The following ANGPT4 variants were observed in gnomAD, a reference collection of about 807,000 sequenced individuals.
ANGPT4 encodes the protein angiopoietin 4.
A neutral mutation model predicts 53.0 loss-of-function variants in ANGPT4; 50 were observed. The ratio of observed to expected loss-of-function variants is 0.94; its 90% CI spans 0.75 to 1.20. ANGPT4 has a LOEUF of 1.20. Among genes scored for constraint, ANGPT4 ranks in the 50% most tolerant of loss-of-function variants. ANGPT4 has a pLI of 0.00. For synonymous variants in ANGPT4, 251 were observed against 259.7 expected (o/e 0.97, Z 0.32); for missense variants, 648 against 637.1 (o/e 1.02, Z -0.18).
chr20:879,532 G>A (rs1981307662), intron 6 of ANGPT4, among the ~76,000 whole-genome samples: 2 of 151,614 alleles, frequency 1.3e-5, no homozygotes, highest in Admixed American at 6.7e-5. Context: ...CAAAAATAAA[G>A]CTAAACTTTT....
At chr20:876,453 A>G (rs1418061707) in intron 7 of ANGPT4, among the ~76,000 whole-genome samples, 2 of 152,236 alleles carry the variant, frequency 1.3e-5, no homozygotes, top group Non-Finnish European at 2.9e-5. Flanking sequence ...CCGTGCTCCC[A>G]GAAAGCAGTC....
chr20:885,062 C>A lies in ANGPT4; in HGVS notation c.835+16G>T. 1 of 1,613,398 alleles carries A rather than the reference C, an allele frequency of 6.2e-7. No homozygotes were observed. Among genetic ancestry groups the A allele is most frequent in the South Asian group, 1.1e-5 (1 of 90,884 alleles). ...GCCCGTCTTTAGCCACACTGGGGCGCACACCGCTCACTCACCCGGGGCCGA... is the reference window on the plus strand; with the variant it reads ...GCCCGTCTTTAGCCACACTGGGGCGAACACCGCTCACTCACCCGGGGCCGA... On this transcript the variant is annotated intron_variant, in intron 4 of 8. Transcript: ENST00000381922.
chr20:901,925 C>G (rs1306912364), intron 1 of ANGPT4, among the ~76,000 whole-genome samples: 1 of 152,118 alleles, frequency 6.6e-6, no homozygotes, highest in Non-Finnish European at 1.5e-5. Flanking sequence ...ACAAAACAAA[C>G]AAACAAGCAA....
rs901416942 is a variant in ANGPT4, at chr20:914,540, C to T, written c.309+1366G>A. ...TGCATGGAGAACAGGAGGTGGGGGC[C>T]GAGTGTTAGCAGGGAGCCAGGGGGG... On this transcript the variant is annotated intron_variant, in intron 1 of 8. Transcript: ENST00000381922. This position sits in a 1 kb window ranked among gnomAD's most constrained non-coding sequence, Gnocchi z 5.0. 1.3e-5 allele frequency among the ~76,000 whole-genome samples: 2 copies of T among 151,882 alleles called. No homozygotes were observed. The highest frequency in any genetic ancestry group is 1.5e-5 in the Non-Finnish European group (1 of 67,942).
intron 7 of ANGPT4, among the ~76,000 whole-genome samples, chr20:875,064 T>C (rs1981112126): frequency 6.6e-6 from 1 of 152,150 alleles, no homozygotes; most frequent in African/African-American, 2.4e-5. Flanking sequence ...GCATCTACTA[T>C]GTGTTCAAAG....
chr20:888,541 C>A lies in ANGPT4; in HGVS notation c.466-102G>T, dbSNP rs567980437. The A allele has an allele frequency of 1.6e-4, 246 of 1,496,932 alleles. No homozygotes were observed. In the African/African-American group the frequency reaches 3.4e-3, roughly 21 times the overall value. 92.7% of individuals were successfully genotyped at this position (1,496,932 alleles called of 1,614,324 possible). ...AGGCCCTGCCACTCCAGAAACTTACCCATTTCCACTCTCCCAGTCGTAGTT... is the reference window on the plus strand; with the variant it reads ...AGGCCCTGCCACTCCAGAAACTTACACATTTCCACTCTCCCAGTCGTAGTT... On this transcript the variant is annotated intron_variant, in intron 2 of 8. Coordinates refer to ENST00000381922, the MANE Select transcript of ANGPT4 (RefSeq NM_015985.4).
In ANGPT4 at chr20:908,968, T is replaced by C. The variant is rs890496732; in HGVS notation, c.309+6938A>G. Among the ~76,000 whole-genome samples the C allele has an allele frequency of 6.6e-6, 1 of 152,090 alleles. No homozygotes were observed. The highest frequency in any genetic ancestry group is 1.5e-5 in the Non-Finnish European group (1 of 68,010). On this transcript the variant is annotated intron_variant, in intron 1 of 8. Coordinates refer to ENST00000381922, the MANE Select transcript of ANGPT4 (RefSeq NM_015985.4). This position sits in a 1 kb window ranked among gnomAD's most constrained non-coding sequence, Gnocchi z 4.9. ...CTCCTGCCACCGACCCTTGGGTGAA[T>C]GTGATTGAGTCACTCCCTTGCCCAG...
rs533906802 is a variant in ANGPT4 at position 908,065 on chromosome 20, T to A, written c.309+7841A>T. Among the ~76,000 whole-genome samples the A allele has an allele frequency of 6.6e-6, 1 of 152,254 alleles. No individual in the cohort carries two copies. The highest frequency in any genetic ancestry group is 2.4e-5 in the African/African-American group (1 of 41,570). On this transcript the variant is annotated intron_variant, in intron 1 of 8. Coordinates refer to ENST00000381922, the MANE Select transcript of ANGPT4 (RefSeq NM_015985.4). This position sits in a 1 kb window ranked among gnomAD's most constrained non-coding sequence, Gnocchi z 4.9. ...GTGCCTGTCTTGCCTTCTTGGTGGC[T>A]GAGGCTGATCCTGCAGATGGGGTGA... is the stretch of plus-strand genomic sequence containing the variant.
In ANGPT4 at chr20:888,254, T is replaced by C. The variant is rs975926251; in HGVS notation, c.587+64A>G. ...CTAGCCCTGGCTCTGGTGCCTGCCCTAGGTCCTAAACTTGACTCCAGCCCC... is the reference window on the plus strand; with the variant it reads ...CTAGCCCTGGCTCTGGTGCCTGCCCCAGGTCCTAAACTTGACTCCAGCCCC... On this transcript the variant is annotated intron_variant, in intron 3 of 8. Transcript: ENST00000381922. 3 of 1,555,348 alleles carry C rather than the reference T, an allele frequency of 1.9e-6. No homozygotes were observed. In the African/African-American group the frequency reaches 4.1e-5, roughly 21 times the overall value.
In ANGPT4 at chr20:916,026, C is replaced by G. The variant is rs1020061490; in HGVS notation, c.189G>C (p.Arg63Ser). ...EPCPPGPEVS[R>S]DSNTLQRESL... is the part of the protein sequence containing the mutation. ...ATTCTCTCTGGAGGGTGTTGGAGTC[C>G]CTGGAGACCTCAGGCCCCGGAGGGC... The change falls in exon 1 of 9, where the codon AGG becomes AGC. Residue 63 changes from arginine to serine, a missense_variant. Arg to Ser is a moderately radical substitution (Grantham distance 110, BLOSUM62 -1). Coordinates refer to ENST00000381922, the MANE Select transcript of ANGPT4 (RefSeq NM_015985.4). 1.2e-6 allele frequency: 2 copies of G among 1,614,058 alleles called. No individual in the cohort carries two copies. Among genetic ancestry groups the G allele is most frequent in the African/African-American group, 2.7e-5 (2 of 74,942 alleles).
At position 904,033 on chromosome 20, in the gene ANGPT4, C is replaced by T. The variant is rs146437304; in HGVS notation, c.309+11873G>A. 7.7e-4 allele frequency among the ~76,000 whole-genome samples: 118 copies of T among 152,342 alleles called. 1 individual carries two copies. Among genetic ancestry groups the T allele is most frequent in the African/African-American group, 2.8e-3 (115 of 41,574 alleles). The stretch of plus-strand genomic sequence containing the variant: ...AGATCTGGTGCAGACGTATGAAAAT[C>T]TGGAGGGTCAGATCTTACCTAGCTG... On this transcript the variant is annotated intron_variant, in intron 1 of 8. Transcript: ENST00000381922.
chr20:874,189 C>T (rs903211931), intron 8 of ANGPT4, 95 bp downstream of exon 8: 11 of 1,556,420 alleles, frequency 7.1e-6, no homozygotes, highest in African/African-American at 1.4e-5. Flanking sequence ...ATCCTCCTGA[C>T]AGCACCTGGG....
In ANGPT4 at chr20:914,701, T is replaced by C. The variant is rs1352084546; in HGVS notation, c.309+1205A>G. 6.6e-6 allele frequency among the ~76,000 whole-genome samples: 1 copy of C among 152,076 alleles called. No individual in the cohort carries two copies. Among genetic ancestry groups the C allele is most frequent in the Non-Finnish European group, 1.5e-5 (1 of 67,998 alleles). On this transcript the variant is annotated intron_variant, in intron 1 of 8. Transcript: ENST00000381922. This position sits in a 1 kb window ranked among gnomAD's most constrained non-coding sequence, Gnocchi z 5.0. The stretch of plus-strand genomic sequence containing the variant: ...TCGCCCAGACTGTCTCCTGGGTCCC[T>C]CTCCCTTTCCTTGGTAGCTCTCACT...
At chr20:898,771 G>A (rs956386660) in intron 1 of ANGPT4, among the ~76,000 whole-genome samples, 17 of 152,298 alleles carry the variant, frequency 1.1e-4, no homozygotes, top group Middle Eastern at 3.4e-3. Context: ...CGCCTAAGCC[G>A]CAGCAGACAG....
chr20:909,199 C>T (rs1354013544), intron 1 of ANGPT4, among the ~76,000 whole-genome samples: 1 of 152,126 alleles, frequency 6.6e-6, no homozygotes, highest in Admixed American at 6.6e-5. Context: ...GTTTATGAGT[C>T]AATGTTTATA....
At position 872,767 on chromosome 20, in the gene ANGPT4, C is replaced by T; in HGVS notation, c.*193G>A. On this transcript the variant is annotated 3_prime_UTR_variant, in exon 9 of 9. Coordinates refer to ENST00000381922, the MANE Select transcript of ANGPT4 (RefSeq NM_015985.4). Reference sequence around the variant, plus strand: ...ATCAGAGGGATGGGCCCCGAACACCCTCCATGTCACAGACGGAGGGGAGTT... The same window carrying T: ...ATCAGAGGGATGGGCCCCGAACACCTTCCATGTCACAGACGGAGGGGAGTT... 1 of 652,232 alleles carries T rather than the reference C, an allele frequency of 1.5e-6. No individual in the cohort carries two copies. The highest frequency in any genetic ancestry group is 2.6e-6 in the Non-Finnish European group (1 of 383,294). The allele number at this position is 652,232 out of a possible 1,614,324, so 40.4% of individuals were successfully genotyped here.
chr20:909,319 T>C (rs1046651473), intron 1 of ANGPT4, among the ~76,000 whole-genome samples: 3 of 152,296 alleles, frequency 2.0e-5, no homozygotes, highest in Middle Eastern at 3.4e-3. Flanking sequence ...CCTGGTTCTC[T>C]GTGCTGGAGC....
At position 879,765 on chromosome 20, in the gene ANGPT4, G is replaced by C; in HGVS notation, c.1035C>G (p.Asn345Lys). 1 of 1,613,658 alleles carries C rather than the reference G, an allele frequency of 6.2e-7. No individual in the cohort carries two copies. The highest frequency in any genetic ancestry group is 1.1e-5 in the South Asian group (1 of 91,002). The change falls in exon 6 of 9, where the codon AAC (asparagine) becomes AAG (lysine). Residue 345 changes from asparagine to lysine, a missense_variant. Coordinates refer to ENST00000381922, the MANE Select transcript of ANGPT4 (RefSeq NM_015985.4). ...GGGCTACCTGTTTGTAATCCTTCCA[G>C]TTCCGCTGAAAATTCACGGTGCCAT... ...RENGTVNFQR[N>K]WKDYKQGFGD... is the part of the protein sequence containing the mutation.
chr20:884,411 G>C (rs6055559), intron 4 of ANGPT4, among the ~76,000 whole-genome samples: 20,267 of 152,238 alleles, frequency 0.13, 1,496 homozygotes, highest in South Asian at 0.22. Context: ...TGTATCCCCA[G>C]CACCCAGCAC....
Sources: allele counts gnomAD v4.1 joint callset (sites outside exome capture counted in the v4.1 genomes callset), GRCh38; gene constraint gnomAD v4.1.1; non-coding constraint Gnocchi (gnomAD v3.1); transcripts MANE v1.5; gene names NCBI Gene and HGNC (gene_info 2026-07-23, HGNC 2026-07-21).